Variants in WWOX observed in about 807,000 individuals in gnomAD.
WWOX encodes WW domain-containing oxidoreductase.
In WWOX, 69 loss-of-function variants were observed where a neutral mutation model predicts 46.2. That is an observed-to-expected ratio of 1.49 (90% CI 1.23 to 1.82). The LOEUF is 1.82. Ranked by LOEUF, WWOX falls within the 40% of genes most tolerant of loss-of-function variation. The probability of loss-of-function intolerance (pLI) is 0.00; values close to 1 mark genes in which losing one functional copy is unlikely to be tolerated. For missense variants in WWOX, 919 were observed against 542.6 expected, an observed-to-expected ratio of 1.69 and a Z score of -6.89; for synonymous variants, 359 against 202.6, an observed-to-expected ratio of 1.77 and a Z score of -6.56.
At chr16:78,394,380 T>A (rs2082242497) in intron 6 of WWOX, among the ~76,000 whole-genome samples, 1 of 152,062 alleles carries the variant, frequency 6.6e-6, no homozygotes, top group Admixed American at 6.6e-5. Context: ...CAAGTTAAAT[T>A]TTTTTTTCTA....
intron 8 of WWOX, among the ~76,000 whole-genome samples, chr16:78,761,425 C>G (rs1420611327): frequency 1.3e-5 from 2 of 152,270 alleles, no homozygotes; most frequent in East Asian, 3.9e-4. Flanking sequence ...TTAGTGCCCT[C>G]TCGGTTCCCA....
intron 8 of WWOX, chr16:78,872,995 C>G (rs2044160072): frequency 6.6e-6 from 1 of 152,240 alleles, no homozygotes; most frequent in Non-Finnish European, 1.5e-5. Context: ...TGAGGTCTTG[C>G]TATGCTGCCC....
intron 8 of WWOX, among the ~76,000 whole-genome samples, chr16:78,913,283 C>T (rs796307448): frequency 7.9e-5 from 12 of 152,050 alleles, no homozygotes; most frequent in African/African-American, 2.4e-4. Flanking sequence ...TCAGCAAGCC[C>T]GTTTTTTGCC....
At chr16:79,134,786 G>T (rs1261391732) in intron 8 of WWOX, among the ~76,000 whole-genome samples, 3 of 152,182 alleles carry the variant, frequency 2.0e-5, no homozygotes, top group Non-Finnish European at 1.5e-5. Flanking sequence ...TCCACCCAGG[G>T]ATGGCTCCAG....
At chr16:79,156,142 G>A (rs1477664998) in intron 8 of WWOX, among the ~76,000 whole-genome samples, 1 of 152,186 alleles carries the variant, frequency 6.6e-6, no homozygotes, top group East Asian at 1.9e-4. Flanking sequence ...TAATGTGATT[G>A]TCTGTAGGTC....
intron 8 of WWOX, among the ~76,000 whole-genome samples, chr16:78,569,048 G>GC (rs1460995655): frequency 6.6e-6 from 1 of 152,180 alleles, no homozygotes; most frequent in African/African-American, 2.4e-5. Context: ...CTGGGTGTCA[G>GC]CCTCTTGGGC....
chr16:78,559,257 A>T (rs944421479), intron 8 of WWOX, among the ~76,000 whole-genome samples: 2 of 152,220 alleles, frequency 1.3e-5, no homozygotes, highest in African/African-American at 4.8e-5. Context: ...CCATGCATGT[A>T]TTTTAGAAAG....
chr16:78,497,535 C>T (rs79823555), intron 8 of WWOX, among the ~76,000 whole-genome samples: 95 of 61,122 alleles, frequency 1.6e-3, no homozygotes, highest in African/African-American at 3.0e-3. Flanking sequence ...CAGCATCCTA[C>T]AGAAAGAGAA....
chr16:79,068,558 C>T lies in WWOX; in HGVS notation c.1057-143050C>T, dbSNP rs1004722529. ...GTGGCTCATGCCTGTAATCTCAACGCTTTGGGAGGCTGAAGCAGGAGGATC... is the reference window on the plus strand; with the variant it reads ...GTGGCTCATGCCTGTAATCTCAACGTTTTGGGAGGCTGAAGCAGGAGGATC... On this transcript the variant is annotated intron_variant, in intron 8 of 8. Coordinates refer to ENST00000566780, the MANE Select transcript of WWOX (RefSeq NM_016373.4). Among the ~76,000 whole-genome samples, 4 of 151,912 alleles carry T rather than the reference C, an allele frequency of 2.6e-5. No homozygotes were observed. The East Asian group carries it at 7.8e-4, about 29-fold the overall frequency.
intron 8 of WWOX, among the ~76,000 whole-genome samples, chr16:78,807,065 G>A (rs576270263): frequency 2.0e-5 from 3 of 152,318 alleles, no homozygotes; most frequent in African/African-American, 4.8e-5. Flanking sequence ...TGTAATTTGT[G>A]CAAGCATCCA....
intron 5 of WWOX, among the ~76,000 whole-genome samples, chr16:78,328,386 T>G (rs1281226071): frequency 3.3e-5 from 5 of 152,214 alleles, no homozygotes; most frequent in African/African-American, 7.2e-5. Context: ...GTAAAAAATT[T>G]AGAATCCTTC....
At chr16:78,937,448 CTTTTTTT>C (rs537642648) in intron 8 of WWOX, among the ~76,000 whole-genome samples, 38 of 81,994 alleles carry the variant, frequency 4.6e-4, no homozygotes, top group African/African-American at 1.6e-3. Flanking sequence ...TTTGTATTAA[CTTTTTTT>C]TTTTTTTTTT....
At chr16:78,973,272 A>G (rs970916715) in intron 8 of WWOX, among the ~76,000 whole-genome samples, 3 of 152,184 alleles carry the variant, frequency 2.0e-5, no homozygotes, top group Admixed American at 6.5e-5. Context: ...GCCGCTTTGC[A>G]GAAGTCCGGG....
intron 6 of WWOX, among the ~76,000 whole-genome samples, chr16:78,420,951 T>C (rs2151956504): frequency 6.6e-6 from 1 of 152,266 alleles, no homozygotes; most frequent in Admixed American, 6.5e-5. Flanking sequence ...TTTCCTGCTT[T>C]TTCAATTAAA....
At chr16:78,237,260 C>T (rs1245120011) in intron 5 of WWOX, 2 of 152,060 alleles carry the variant, frequency 1.3e-5, no homozygotes, top group African/African-American at 4.8e-5. Flanking sequence ...TTGTATCCTG[C>T]CTGCTATACC....
intron 8 of WWOX, among the ~76,000 whole-genome samples, chr16:78,568,321 G>T (rs951728734): frequency 6.6e-6 from 1 of 151,980 alleles, no homozygotes; most frequent in Non-Finnish European, 1.5e-5. Context: ...CCCTCCAAAA[G>T]CCTGCATGCG....
At chr16:78,222,402 A>C (rs1051962215) in intron 5 of WWOX, among the ~76,000 whole-genome samples, 1 of 152,052 alleles carries the variant, frequency 6.6e-6, no homozygotes, top group Non-Finnish European at 1.5e-5. Flanking sequence ...ACTTGGGACA[A>C]CCTGTGCCCA....
intron 5 of WWOX, among the ~76,000 whole-genome samples, chr16:78,312,336 A>AC (rs1182342913): frequency 6.7e-6 from 1 of 150,236 alleles, no homozygotes; most frequent in African/African-American, 2.4e-5. Context: ...GTAAGGAAAC[A>AC]CTTATATTGC....
intron 8 of WWOX, among the ~76,000 whole-genome samples, chr16:78,488,692 G>T (rs2084701578): frequency 1.3e-5 from 2 of 152,152 alleles, no homozygotes; most frequent in Non-Finnish European, 2.9e-5. Context: ...TAGGCTCTGA[G>T]TCAAGCAGAC....
Sources: allele counts gnomAD v4.1 joint callset (sites outside exome capture counted in the v4.1 genomes callset), GRCh38; gene constraint gnomAD v4.1.1; transcripts MANE v1.5; gene names NCBI Gene and HGNC (gene_info 2026-07-23, HGNC 2026-07-21).